The following BRD10 variants were observed in gnomAD, a reference collection of about 807,000 sequenced individuals.
The protein encoded by BRD10 is bromodomain containing 10.
the BRD10 span, among the ~76,000 whole-genome samples, chr9:5,972,406 C>G: frequency 2.4e-4 from 37 of 152,146 alleles, no homozygotes; most frequent in African/African-American, 8.9e-4. Context: ...ACAGCTAACT[C>G]CTTGATATAG....
chr9:5,914,574 C>T, the BRD10 span, among the ~76,000 whole-genome samples: 2 of 151,838 alleles, frequency 1.3e-5, no homozygotes, highest in African/African-American at 2.4e-5. Flanking sequence ...TAGGCACCCA[C>T]CACCACGCTC....
the BRD10 span, among the ~76,000 whole-genome samples, chr9:5,903,662 A>G: frequency 1.3e-5 from 2 of 151,914 alleles, no homozygotes; most frequent in Non-Finnish European, 2.9e-5. Flanking sequence ...TTTTTATCTC[A>G]TGTATTTTGA....
the BRD10 span, among the ~76,000 whole-genome samples, chr9:5,928,823 T>C: frequency 8.6e-6 from 1 of 116,124 alleles, no homozygotes; most frequent in Non-Finnish European, 2.2e-5. Flanking sequence ...GACATTTGAG[T>C]GTGTTTTTTT....
At chr9:5,994,901 CTT>C in the BRD10 span, among the ~76,000 whole-genome samples, 21 of 141,588 alleles carry the variant, frequency 1.5e-4, no homozygotes, top group Admixed American at 1.4e-4. Flanking sequence ...TATCATTTTT[CTT>C]TTTTTTTTTT....
chr9:5,966,078 G>C, the BRD10 span, among the ~76,000 whole-genome samples: 2 of 152,132 alleles, frequency 1.3e-5, no homozygotes, highest in African/African-American at 4.8e-5. Context: ...CTTAAGATCT[G>C]ACTTCCTAAA....
At chr9:5,991,956 T>C in the BRD10 span, among the ~76,000 whole-genome samples, 3 of 152,308 alleles carry the variant, frequency 2.0e-5, no homozygotes, top group East Asian at 3.9e-4. Context: ...ACTGTTTCCA[T>C]GCATCTTTGC....
At chr9:6,003,145 A>T in the BRD10 span, among the ~76,000 whole-genome samples, 1 of 152,266 alleles carries the variant, frequency 6.6e-6, no homozygotes, top group Admixed American at 6.5e-5. Flanking sequence ...TAATTTTAAC[A>T]AAGCTATACA....
the BRD10 span, chr9:5,897,558 G>A: frequency 6.2e-7 from 1 of 1,614,006 alleles, no homozygotes; most frequent in South Asian, 1.1e-5. Flanking sequence ...TTGGGCCAGG[G>A]CCGCTGGGAT....
chr9:5,924,924 A>C, the BRD10 span: 1 of 1,019,632 alleles, frequency 9.8e-7, no homozygotes, highest in Non-Finnish European at 1.3e-6. Flanking sequence ...TAACATTTTA[A>C]ACTACATATG....
At chr9:5,955,941 C>A in the BRD10 span, among the ~76,000 whole-genome samples, 8 of 152,040 alleles carry the variant, frequency 5.3e-5, no homozygotes, top group Non-Finnish European at 1.2e-4. Flanking sequence ...CTGAAGGGGG[C>A]TCATGAATTT....
chr9:5,953,973 A>T, the BRD10 span: 1 of 1,197,516 alleles, frequency 8.4e-7, no homozygotes, highest in South Asian at 1.3e-5. Flanking sequence ...TGAACACTGA[A>T]ACAAAAAATT....
chr9:5,958,631 T>G, the BRD10 span, among the ~76,000 whole-genome samples: 1 of 152,036 alleles, frequency 6.6e-6, no homozygotes, highest in Non-Finnish European at 1.5e-5. Flanking sequence ...CAGGGAGGGA[T>G]AGGAGGAAGA....
At chr9:5,928,467 T>C in the BRD10 span, among the ~76,000 whole-genome samples, 1 of 152,242 alleles carries the variant, frequency 6.6e-6, no homozygotes, top group Middle Eastern at 3.2e-3. Flanking sequence ...CTTAAAGATC[T>C]ACATGATCTG....
At chr9:5,989,772 GC>G in the BRD10 span, among the ~76,000 whole-genome samples, 1 of 152,050 alleles carries the variant, frequency 6.6e-6, no homozygotes, top group Non-Finnish European at 1.5e-5. Flanking sequence ...CAAGCGATCA[GC>G]CCACCTTGGC....
chr9:5,932,984 G>A, the BRD10 span, among the ~76,000 whole-genome samples: 1 of 152,114 alleles, frequency 6.6e-6, no homozygotes, highest in African/African-American at 2.4e-5. Flanking sequence ...AAGTTCTTCT[G>A]TCTTCAAACA....
At chr9:5,983,472 A>T in the BRD10 span, among the ~76,000 whole-genome samples, 1 of 152,224 alleles carries the variant, frequency 6.6e-6, no homozygotes, top group Non-Finnish European at 1.5e-5. Flanking sequence ...AACTAGGAGA[A>T]AAACAACAGA....
the BRD10 span, among the ~76,000 whole-genome samples, chr9:5,957,640 C>G: frequency 6.6e-6 from 1 of 152,062 alleles, no homozygotes; most frequent in Non-Finnish European, 1.5e-5. Context: ...GGGATGTAAT[C>G]TGCTTCTGTT....
At chr9:5,938,334 C>A in the BRD10 span, among the ~76,000 whole-genome samples, 11 of 151,198 alleles carry the variant, frequency 7.3e-5, no homozygotes, top group African/African-American at 2.5e-4. Context: ...CCCAGCTTCT[C>A]TCAAGGCTGA....
the BRD10 span, among the ~76,000 whole-genome samples, chr9:5,886,057 A>G: frequency 1.3e-5 from 2 of 152,240 alleles, no homozygotes; most frequent in Admixed American, 1.3e-4. Flanking sequence ...CGGGGACCGA[A>G]AGCGGAAGCC....
Sources: allele counts gnomAD v4.1 joint callset (sites outside exome capture counted in the v4.1 genomes callset), GRCh38; gene constraint gnomAD v4.1.1; transcripts MANE v1.5; gene names NCBI Gene and HGNC (gene_info 2026-07-23, HGNC 2026-07-21).